HS3ST5: variants seen among roughly 807,000 people sequenced by gnomAD.
The protein encoded by HS3ST5 is heparan sulfate-glucosamine 3-sulfotransferase 5, also known as heparan sulfate glucosamine 3-O-sulfotransferase 5.
Under a neutral mutation model 25.4 loss-of-function variants are expected in HS3ST5, and 10 were observed. That is an observed-to-expected ratio of 0.39 (90% CI 0.24 to 0.67). HS3ST5 has a LOEUF of 0.67. HS3ST5 is among the 30% of genes least tolerant of loss of function. The pLI, the probability that HS3ST5 is intolerant of heterozygous loss-of-function variation, is 0.44. For synonymous variants in HS3ST5, 170 were observed against 162.4 expected (o/e 1.05, Z -0.36); for missense variants, 324 against 420.7 (o/e 0.77, Z 2.01).
At chr6:114,330,829 C>T (rs1242190630) in intron 1 of HS3ST5, among the ~76,000 whole-genome samples, 1 of 152,100 alleles carries the variant, frequency 6.6e-6, no homozygotes, top group East Asian at 1.9e-4. Flanking sequence ...TCTTCCCCAG[C>T]CTTGTGTTGG....
intron 1 of HS3ST5, among the ~76,000 whole-genome samples, chr6:114,272,210 A>G (rs950763802): frequency 6.6e-6 from 1 of 151,978 alleles, no homozygotes; most frequent in African/African-American, 2.4e-5. Context: ...AGAATTTTGG[A>G]TTGAATCCTA....
intron 1 of HS3ST5, among the ~76,000 whole-genome samples, chr6:114,341,946 C>T (rs1012678990): frequency 6.6e-6 from 1 of 152,164 alleles, no homozygotes; most frequent in African/African-American, 2.4e-5. Context: ...CTGACACCTT[C>T]TGTCTAATTT....
chr6:114,187,881 A>G (rs1780301339), intron 2 of HS3ST5, among the ~76,000 whole-genome samples: 1 of 152,208 alleles, frequency 6.6e-6, no homozygotes, highest in Non-Finnish European at 1.5e-5. Flanking sequence ...GTCAGCCATC[A>G]TCAACCTCAA....
intron 1 of HS3ST5, among the ~76,000 whole-genome samples, chr6:114,286,241 CA>C (rs1484079551): frequency 2.0e-5 from 3 of 151,696 alleles, no homozygotes; most frequent in African/African-American, 7.2e-5. Flanking sequence ...TCCATTTTAT[CA>C]AAAAATTAAT....
intron 3 of HS3ST5, among the ~76,000 whole-genome samples, chr6:114,115,484 A>G (rs1280240393): frequency 6.6e-6 from 1 of 152,084 alleles, no homozygotes; most frequent in African/African-American, 2.4e-5. Flanking sequence ...TATCTGTCCT[A>G]TCATTATAAC....
At chr6:114,129,539 G>A (rs555437570) in intron 3 of HS3ST5, among the ~76,000 whole-genome samples, 112 of 152,286 alleles carry the variant, frequency 7.4e-4, no homozygotes, top group African/African-American at 2.6e-3. Context: ...ACAGGTGTGA[G>A]CCACCGCGCC....
At chr6:114,204,707 G>C (rs1781193071) in intron 2 of HS3ST5, among the ~76,000 whole-genome samples, 1 of 151,702 alleles carries the variant, frequency 6.6e-6, no homozygotes, top group Non-Finnish European at 1.5e-5. Flanking sequence ...TTTAATATTT[G>C]AGTTGTCTTG....
intron 3 of HS3ST5, among the ~76,000 whole-genome samples, chr6:114,129,751 C>A (rs1435384005): frequency 6.6e-6 from 1 of 152,134 alleles, no homozygotes; most frequent in African/African-American, 2.4e-5. Context: ...TGCAAAGATA[C>A]CTTCAGAGAA....
At chr6:114,162,417 A>G (rs1487099931) in intron 3 of HS3ST5, among the ~76,000 whole-genome samples, 1 of 152,126 alleles carries the variant, frequency 6.6e-6, no homozygotes, top group Non-Finnish European at 1.5e-5. Context: ...TGTTCCTGTT[A>G]TCACTTCTGC....
intron 1 of HS3ST5, among the ~76,000 whole-genome samples, chr6:114,233,126 A>C (rs1217167589): frequency 3.9e-5 from 6 of 151,902 alleles, no homozygotes; most frequent in Non-Finnish European, 2.9e-5. Context: ...GTAGGCACTC[A>C]ACAAATATTT....
Position 114,303,506 on chromosome 6 carries a change from TA to T in HS3ST5, c.-339+38688del, listed in dbSNP as rs1444480398. 2.6e-5 allele frequency among the ~76,000 whole-genome samples: 4 copies of T among 152,150 alleles called. No individual in the cohort carries two copies. The East Asian group carries it at 5.8e-4, about 22-fold the overall frequency. ...GAGTGACTATGGCTTCCACCTGATT[TA>T]AAAACAATTTTTTTTTACTTCAATA... On this transcript the variant is annotated intron_variant, in intron 1 of 4. Coordinates refer to ENST00000312719, the MANE Select transcript of HS3ST5 (RefSeq NM_153612.4).
chr6:114,289,844 G>A (rs1408822761), intron 1 of HS3ST5, among the ~76,000 whole-genome samples: 6 of 151,944 alleles, frequency 3.9e-5, no homozygotes, highest in African/African-American at 1.5e-4. Flanking sequence ...TCTTCCTATG[G>A]GCTTTGAAAT....
rs529050903 is a variant in HS3ST5 at position 114,152,289 on chromosome 6, T to A, written c.-33+16062A>T. ...TCTCAATATTAGCATGCATTTTCTA[T>A]TTTTAAAGAAAAAGAATTATTCCTT... On this transcript the variant is annotated intron_variant, in intron 3 of 4. Transcript: ENST00000312719. Among the ~76,000 whole-genome samples the A allele has an allele frequency of 2.6e-5, 4 of 152,304 alleles. No individual in the cohort carries two copies. In the South Asian group the frequency reaches 8.3e-4, roughly 32 times the overall value.
intron 1 of HS3ST5, among the ~76,000 whole-genome samples, chr6:114,299,305 C>T (rs976564279): frequency 3.9e-5 from 6 of 152,146 alleles, no homozygotes; most frequent in Non-Finnish European, 8.8e-5. Context: ...GCTCTCAAAC[C>T]CTGTCTGCTG....
At chr6:114,260,042 A>G (rs1007020003) in intron 1 of HS3ST5, among the ~76,000 whole-genome samples, 3 of 152,212 alleles carry the variant, frequency 2.0e-5, no homozygotes, top group Non-Finnish European at 4.4e-5. Context: ...AGCCTAATTA[A>G]TAATCCAAAA....
chr6:114,097,193 TG>T (rs1775478504), intron 3 of HS3ST5, among the ~76,000 whole-genome samples: 1 of 151,958 alleles, frequency 6.6e-6, no homozygotes, highest in Non-Finnish European at 1.5e-5. Flanking sequence ...TATATATAAT[TG>T]GATATTAGGT....
intron 2 of HS3ST5, among the ~76,000 whole-genome samples, chr6:114,228,146 C>A (rs1429892351): frequency 6.6e-6 from 1 of 152,106 alleles, no homozygotes. Context: ...TCACAGGCAT[C>A]AGGATAACTT....
chr6:114,215,911 C>A (rs1229533097), intron 2 of HS3ST5, among the ~76,000 whole-genome samples: 3 of 152,140 alleles, frequency 2.0e-5, no homozygotes, highest in Non-Finnish European at 4.4e-5. Context: ...AGCTTTGTTT[C>A]ATTTTGGTGG....
At chr6:114,221,970 T>C (rs1782062782) in intron 2 of HS3ST5, among the ~76,000 whole-genome samples, 2 of 145,348 alleles carry the variant, frequency 1.4e-5, no homozygotes, top group Admixed American at 1.4e-4. Context: ...GGAGAGCTTG[T>C]AAGTATCTCA....
Sources: gnomAD v4.1 joint callset for allele counts (sites outside exome capture counted in the v4.1 genomes callset) on GRCh38, gnomAD v4.1.1 for gene constraint, MANE v1.5 for transcripts, NCBI Gene and HGNC (gene_info 2026-07-23, HGNC 2026-07-21) for gene names.